The following HS3ST3B1 variants were observed in gnomAD, a reference collection of about 807,000 sequenced individuals.
The protein encoded by HS3ST3B1 is heparan sulfate glucosamine 3-O-sulfotransferase 3B1.
A neutral mutation model predicts 21.3 loss-of-function variants in HS3ST3B1; 13 were observed. The ratio of observed to expected loss-of-function variants is 0.61; its 90% CI spans 0.40 to 0.97. The LOEUF is 0.97. Among genes scored for constraint, HS3ST3B1 ranks in the 50% least tolerant of loss-of-function variants. The probability of loss-of-function intolerance (pLI) is 0.00; values close to 1 mark genes in which losing one functional copy is unlikely to be tolerated. For synonymous variants in HS3ST3B1, 234 were observed against 254.8 expected, an observed-to-expected ratio of 0.92 and a Z score of 0.78; for missense variants, 459 against 554.8, an observed-to-expected ratio of 0.83 and a Z score of 1.73.
chr17:14,308,530 A>T (rs932087283), intron 1 of HS3ST3B1, among the ~76,000 whole-genome samples: 4 of 152,180 alleles, frequency 2.6e-5, no homozygotes, highest in African/African-American at 9.7e-5. Flanking sequence ...TTGCCTCCCA[A>T]AGATTGCTGT....
intron 1 of HS3ST3B1, among the ~76,000 whole-genome samples, chr17:14,329,884 A>G (rs939412549): frequency 1.3e-5 from 2 of 152,270 alleles, no homozygotes; most frequent in African/African-American, 4.8e-5. Context: ...ACGGAGACAT[A>G]AAGAGGGGGC....
chr17:14,328,457 A>G (rs1909884908), intron 1 of HS3ST3B1: 2 of 152,172 alleles, frequency 1.3e-5, no homozygotes, highest in African/African-American at 2.4e-5. Context: ...TAAATCCACA[A>G]AAAGAATTCC....
chr17:14,333,849 C>T (rs1190474911), intron 1 of HS3ST3B1, among the ~76,000 whole-genome samples: 1 of 151,960 alleles, frequency 6.6e-6, no homozygotes, highest in Non-Finnish European at 1.5e-5. Flanking sequence ...TCACCGCAAC[C>T]TCTCCCGGGT....
intron 1 of HS3ST3B1, among the ~76,000 whole-genome samples, chr17:14,309,418 T>C (rs1371294900): frequency 6.6e-6 from 1 of 152,172 alleles, no homozygotes; most frequent in Non-Finnish European, 1.5e-5. Context: ...GGGCTGAGCC[T>C]GGCTGAGCGG....
At chr17:14,325,235 G>A (rs1456123830) in intron 1 of HS3ST3B1, among the ~76,000 whole-genome samples, 2 of 152,236 alleles carry the variant, frequency 1.3e-5, no homozygotes, top group African/African-American at 2.4e-5. Context: ...GGTTAATCCA[G>A]CCTTTTTGTT....
At chr17:14,341,991 A>G (rs1910399552) in intron 1 of HS3ST3B1, among the ~76,000 whole-genome samples, 1 of 152,218 alleles carries the variant, frequency 6.6e-6, no homozygotes, top group African/African-American at 2.4e-5. Flanking sequence ...GCTTAAATCA[A>G]GGCTGACTCC....
intron 1 of HS3ST3B1, among the ~76,000 whole-genome samples, chr17:14,344,813 A>G (rs944800917): frequency 2.0e-5 from 3 of 152,182 alleles, no homozygotes; most frequent in African/African-American, 7.2e-5. Context: ...CCTTGCATGA[A>G]GGGGCCTTCG....
chr17:14,321,672 T>C (rs1909663401), intron 1 of HS3ST3B1, among the ~76,000 whole-genome samples: 1 of 150,162 alleles, frequency 6.7e-6, no homozygotes, highest in Non-Finnish European at 1.5e-5. Flanking sequence ...GGGTAAGTGG[T>C]GTTTTTCTTC....
chr17:14,330,700 A>G (rs753192117), intron 1 of HS3ST3B1, among the ~76,000 whole-genome samples: 2 of 152,070 alleles, frequency 1.3e-5, no homozygotes, highest in Non-Finnish European at 2.9e-5. Context: ...CTGTGCTACC[A>G]AGGGTACAAG....
chr17:14,330,128 A>G (rs1317365215), intron 1 of HS3ST3B1, among the ~76,000 whole-genome samples: 1 of 152,204 alleles, frequency 6.6e-6, no homozygotes, highest in Non-Finnish European at 1.5e-5. Flanking sequence ...TGAGTGCCTC[A>G]TTTTAAGGTA....
chr17:14,346,977 G>T lies in HS3ST3B1; in HGVS notation c.*1331G>T, dbSNP rs1910600363. 1 of 152,094 alleles carries T rather than the reference G, an allele frequency of 6.6e-6. No individual in the cohort carries two copies. The highest frequency in any genetic ancestry group is 1.5e-5 in the Non-Finnish European group (1 of 68,098). 9.4% of individuals were successfully genotyped at this position (152,094 alleles called of 1,614,324 possible). A position where few individuals can be genotyped will look rare whatever the true frequency, so the allele number is the denominator to read the frequency against. ...GCTCACAGCCTCAATAGGGAGAAAA[G>T]ACAAAGGCCTCAAAATGACAGGCAG... On this transcript the variant is annotated 3_prime_UTR_variant, in exon 2 of 2. Transcript: ENST00000360954.
At chr17:14,314,838 T>G (rs1316332443) in intron 1 of HS3ST3B1, among the ~76,000 whole-genome samples, 1 of 152,156 alleles carries the variant, frequency 6.6e-6, no homozygotes, top group African/African-American at 2.4e-5. Flanking sequence ...TTTTCCCACT[T>G]TTTTCAGGTA....
rs1430371944 is a variant in HS3ST3B1, at chr17:14,347,312, G to T, written c.*1666G>T. The stretch of plus-strand genomic sequence containing the variant: ...TTGATTTATAACAGTTGGGTAACCA[G>T]ATAGCAATATAGTGGCAATTGAGTA... On this transcript the variant is annotated 3_prime_UTR_variant, in exon 2 of 2. Coordinates refer to ENST00000360954, the MANE Select transcript of HS3ST3B1 (RefSeq NM_006041.3). The T allele has an allele frequency of 6.6e-6, 1 of 152,236 alleles. No individual in the cohort carries two copies. Among genetic ancestry groups the T allele is most frequent in the Non-Finnish European group, 1.5e-5 (1 of 68,040 alleles). The allele number at this position is 152,236 out of a possible 1,614,324, so 9.4% of individuals were successfully genotyped here.
chr17:14,317,112 T>C (rs1909524977), intron 1 of HS3ST3B1, among the ~76,000 whole-genome samples: 2 of 152,212 alleles, frequency 1.3e-5, no homozygotes, highest in African/African-American at 4.8e-5. Context: ...GGATCCTCTA[T>C]TGCATGTACT....
At chr17:14,307,428 T>A (rs1227262441) in intron 1 of HS3ST3B1, among the ~76,000 whole-genome samples, 7 of 152,160 alleles carry the variant, frequency 4.6e-5, no homozygotes, top group Non-Finnish European at 1.0e-4. Context: ...AAAAAAACTT[T>A]TTAATATTTT....
intron 1 of HS3ST3B1, 111 bp from the exon 2 acceptor site, chr17:14,344,917 A>T: frequency 7.0e-7 from 1 of 1,434,918 alleles, no homozygotes; most frequent in Non-Finnish European, 9.3e-7. Context: ...ACATGTTTCT[A>T]CCACTGCTTC....
chr17:14,344,058 A>G (rs1910475639), intron 1 of HS3ST3B1, among the ~76,000 whole-genome samples: 1 of 151,788 alleles, frequency 6.6e-6, no homozygotes. Flanking sequence ...CACCACACCC[A>G]GTTAATTGTT....
At position 14,346,782 on chromosome 17, in the gene HS3ST3B1, C is replaced by T. The variant is rs1567646347; in HGVS notation, c.*1136C>T. 6.6e-6 allele frequency: 1 copy of T among 152,200 alleles called. No individual in the cohort carries two copies. Among genetic ancestry groups the T allele is most frequent in the African/African-American group, 2.4e-5 (1 of 41,444 alleles). 9.4% of individuals were successfully genotyped at this position (152,200 alleles called of 1,614,324 possible). A position where few individuals can be genotyped will look rare whatever the true frequency, so the allele number is the denominator to read the frequency against. ...TGAAACTACACCATGCTGCGTTCCCCAGGCAGACAGTTCTGCTTTGACACA... is the reference window on the plus strand; with the variant it reads ...TGAAACTACACCATGCTGCGTTCCCTAGGCAGACAGTTCTGCTTTGACACA... On this transcript the variant is annotated 3_prime_UTR_variant, in exon 2 of 2. Transcript: ENST00000360954.
intron 1 of HS3ST3B1, among the ~76,000 whole-genome samples, chr17:14,314,814 G>C (rs1909447776): frequency 6.6e-6 from 1 of 152,154 alleles, no homozygotes. Flanking sequence ...ACCAGAGTGG[G>C]GAGCTTCAAA....
Sources: gnomAD v4.1 joint callset for allele counts (sites outside exome capture counted in the v4.1 genomes callset) on GRCh38, gnomAD v4.1.1 for gene constraint, MANE v1.5 for transcripts, NCBI Gene and HGNC (gene_info 2026-07-23, HGNC 2026-07-21) for gene names.